Variants in KCNQ5 observed in about 807,000 individuals in gnomAD.
KCNQ5 encodes potassium voltage-gated channel subfamily KQT member 5.
Under a neutral mutation model 98.2 loss-of-function variants are expected in KCNQ5, and 30 were observed. The observed-to-expected ratio is 0.31, with a 90% CI of 0.23 to 0.41. KCNQ5 has a LOEUF of 0.41. KCNQ5 is among the 10% of genes least tolerant of loss of function. KCNQ5 has a pLI of 1.00. For synonymous variants in KCNQ5, 458 were observed against 449.4 expected, an observed-to-expected ratio of 1.02 and a Z score of -0.24; for missense variants, 835 against 1,182.5, an observed-to-expected ratio of 0.71 and a Z score of 4.31.
At chr6:73,119,007 G>A (rs1212011114) in intron 7 of KCNQ5, among the ~76,000 whole-genome samples, 1 of 152,080 alleles carries the variant, frequency 6.6e-6, no homozygotes, top group Non-Finnish European at 1.5e-5. Flanking sequence ...GGGGACAGAG[G>A]GAGACCCTGT....
chr6:73,026,663 A>T (rs758529719), intron 2 of KCNQ5, among the ~76,000 whole-genome samples: 1 of 152,110 alleles, frequency 6.6e-6, no homozygotes, highest in Non-Finnish European at 1.5e-5. Context: ...TACTCTGTTC[A>T]GTTCTGTATT....
At chr6:73,023,406 G>A (rs1770702501) in intron 2 of KCNQ5, among the ~76,000 whole-genome samples, 1 of 152,230 alleles carries the variant, frequency 6.6e-6, no homozygotes, top group East Asian at 1.9e-4. Flanking sequence ...CTATAGTCCA[G>A]GAGATACGGG....
At chr6:72,759,578 G>T (rs1024579487) in intron 1 of KCNQ5, among the ~76,000 whole-genome samples, 5 of 152,028 alleles carry the variant, frequency 3.3e-5, no homozygotes, top group African/African-American at 1.2e-4. Flanking sequence ...GTTTCCTTGT[G>T]AGTAGATGAC....
intron 1 of KCNQ5, among the ~76,000 whole-genome samples, chr6:72,837,708 A>C (rs1368360616): frequency 6.6e-6 from 1 of 152,206 alleles, no homozygotes; most frequent in Non-Finnish European, 1.5e-5. Flanking sequence ...ATCATGGAAA[A>C]ATAGATCAGA....
intron 5 of KCNQ5, among the ~76,000 whole-genome samples, chr6:73,081,540 G>T (rs1178840075): frequency 6.6e-6 from 1 of 152,102 alleles, no homozygotes; most frequent in African/African-American, 2.4e-5. Flanking sequence ...GCTTGAGTGA[G>T]ACCCTGCCTC....
intron 1 of KCNQ5, among the ~76,000 whole-genome samples, chr6:72,632,438 G>C (rs974774405): frequency 1.3e-5 from 2 of 152,052 alleles, no homozygotes; most frequent in Non-Finnish European, 2.9e-5. Context: ...ACCGCGCCTG[G>C]CCAGTTTTTT....
In KCNQ5 at chr6:73,194,648, G is replaced by C. The variant is rs1444813030; in HGVS notation, c.2033G>C (p.Arg678Thr). The C allele has an allele frequency of 4.3e-6, 7 of 1,614,116 alleles. No individual in the cohort carries two copies. In the Admixed American group the frequency reaches 1.2e-4, roughly 27 times the overall value. ...GCACAAAACAGTGGCTGCTTATCCA[G>C]ATCAACTAGTGCCAACATCTCGAGA... Reference protein sequence around the residue: ...GSAQNSGCLSRSTSANISRGL... With the variant: ...GSAQNSGCLSTSTSANISRGL... The change falls in exon 14 of 14, where the codon AGA (arginine) becomes ACA (threonine). Residue 678 changes from arginine to threonine, a missense_variant. Transcript: ENST00000370398.
At chr6:72,701,980 C>T (rs1404338216) in intron 1 of KCNQ5, among the ~76,000 whole-genome samples, 1 of 152,104 alleles carries the variant, frequency 6.6e-6, no homozygotes, top group East Asian at 1.9e-4. Context: ...AGGTGTGAGC[C>T]ACCATGCCCA....
At chr6:72,672,595 A>C (rs922562266) in intron 1 of KCNQ5, among the ~76,000 whole-genome samples, 4 of 152,142 alleles carry the variant, frequency 2.6e-5, no homozygotes, top group Admixed American at 6.5e-5. Flanking sequence ...CTTTCTGGCT[A>C]TATATGCTTT....
At position 72,622,672 on chromosome 6, in the gene KCNQ5, G is replaced by C. The variant is rs1333610534; in HGVS notation, c.398+85G>C. Reference sequence around the variant, plus strand: ...GGGCGTGCTCCGCGCTCGCGCCCTTGGGCCCCCGCGCGCGTGCACACGTGG... The same window carrying C: ...GGGCGTGCTCCGCGCTCGCGCCCTTCGGCCCCCGCGCGCGTGCACACGTGG... On this transcript the variant is annotated intron_variant, in intron 1 of 13. Coordinates refer to ENST00000370398, the MANE Select transcript of KCNQ5 (RefSeq NM_019842.4). The surrounding 1 kb of genome is among the most constrained non-coding windows in gnomAD (Gnocchi z 6.0). 3.4e-6 allele frequency: 5 copies of C among 1,492,150 alleles called. No individual in the cohort carries two copies. Among genetic ancestry groups the C allele is most frequent in the Non-Finnish European group, 4.6e-6 (5 of 1,097,606 alleles). 92.4% of individuals were successfully genotyped at this position (1,492,150 alleles called of 1,614,324 possible).
intron 1 of KCNQ5, among the ~76,000 whole-genome samples, chr6:72,812,261 C>G (rs765679807): frequency 6.6e-6 from 1 of 152,124 alleles, no homozygotes; most frequent in Non-Finnish European, 1.5e-5. Flanking sequence ...CATCCTGTGA[C>G]TAAGAATGCC....
intron 1 of KCNQ5, among the ~76,000 whole-genome samples, chr6:72,975,149 G>A (rs1768099894): frequency 6.6e-6 from 1 of 151,972 alleles, no homozygotes; most frequent in South Asian, 2.1e-4. Context: ...AACTTTCAGT[G>A]AAGGATAAAA....
chr6:72,808,605 T>A (rs1775070577), intron 1 of KCNQ5, among the ~76,000 whole-genome samples: 1 of 152,174 alleles, frequency 6.6e-6, no homozygotes, highest in Non-Finnish European at 1.5e-5. Flanking sequence ...GCCCCAGCAC[T>A]TTCAAGGAGC....
At chr6:73,185,440 C>G (rs781265176) in intron 11 of KCNQ5, among the ~76,000 whole-genome samples, 46 of 152,162 alleles carry the variant, frequency 3.0e-4, no homozygotes, top group Non-Finnish European at 5.1e-4. Flanking sequence ...CCTCAGCCCC[C>G]CAAAGTGCTG....
intron 11 of KCNQ5, among the ~76,000 whole-genome samples, chr6:73,179,055 G>T (rs1210798593): frequency 2.6e-5 from 4 of 152,116 alleles, no homozygotes; most frequent in Non-Finnish European, 5.9e-5. Context: ...GAGCCTTGGG[G>T]TCCGTGCTTT....
chr6:72,855,755 C>G (rs1314027832), intron 1 of KCNQ5, among the ~76,000 whole-genome samples: 1 of 152,112 alleles, frequency 6.6e-6, no homozygotes, highest in Non-Finnish European at 1.5e-5. Context: ...GTGCTACCAG[C>G]TGAGATATAA....
intron 1 of KCNQ5, among the ~76,000 whole-genome samples, chr6:72,770,135 A>T (rs2154477387): frequency 6.6e-6 from 1 of 152,308 alleles, no homozygotes; most frequent in East Asian, 1.9e-4. Context: ...TTAATGGCTC[A>T]TTTGACTGAA....
chr6:73,170,538 T>C (rs2150504435), intron 11 of KCNQ5, among the ~76,000 whole-genome samples: 1 of 147,000 alleles, frequency 6.8e-6, no homozygotes, highest in South Asian at 2.2e-4. Context: ...AATTTGTATT[T>C]GTCAAGGAAT....
intron 10 of KCNQ5, among the ~76,000 whole-genome samples, chr6:73,140,326 CA>C (rs1776651907): frequency 6.6e-6 from 1 of 152,192 alleles, no homozygotes; most frequent in African/African-American, 2.4e-5. Context: ...GGTGTTTCCA[CA>C]AAATGCCAAG....
Sources: gnomAD v4.1 joint callset for allele counts (sites outside exome capture counted in the v4.1 genomes callset) on GRCh38, gnomAD v4.1.1 for gene constraint, Gnocchi (gnomAD v3.1) non-coding constraint, MANE v1.5 for transcripts, NCBI Gene and HGNC (gene_info 2026-07-23, HGNC 2026-07-21) for gene names.